Variants in SLC35A3 observed in about 807,000 individuals in gnomAD.
The protein encoded by SLC35A3 is solute carrier family 35 member A3.
A neutral mutation model predicts 39.0 loss-of-function variants in SLC35A3; 26 were observed. That is an observed-to-expected ratio of 0.67 (90% confidence interval 0.49 to 0.92). The LOEUF is 0.92. Among genes scored for constraint, SLC35A3 ranks in the 40% least tolerant of loss-of-function variants. The probability of loss-of-function intolerance (pLI) is 0.00; values close to 1 mark genes in which losing one functional copy is unlikely to be tolerated. For synonymous variants in SLC35A3, 135 were observed against 133.1 expected, an observed-to-expected ratio of 1.01 and a Z score of -0.10; for missense variants, 299 against 371.6, an observed-to-expected ratio of 0.80 and a Z score of 1.61.
Position 100,007,311 on chromosome 1 carries a change from A to G in SLC35A3, c.465+155A>G, listed in dbSNP as rs531826604. On this transcript the variant is annotated intron_variant, in intron 4 of 7. Coordinates refer to ENST00000533028, the MANE Select transcript of SLC35A3 (RefSeq NM_012243.3). ...GTTTTGAGGGCATCCTTTATGTGAC[A>G]TACTACATTGGGAGTGTAAGTAATA... 4 of 617,256 alleles carry G rather than the reference A, an allele frequency of 6.5e-6. No homozygotes were observed. In the East Asian group the frequency reaches 1.2e-4, roughly 18 times the overall value. 38.2% of individuals were successfully genotyped at this position (617,256 alleles called of 1,614,324 possible).
intron 2 of SLC35A3, among the ~76,000 whole-genome samples, chr1:99,997,969 C>T (rs1658520953): frequency 6.6e-6 from 1 of 152,064 alleles, no homozygotes; most frequent in African/African-American, 2.4e-5. Context: ...CTCCAGCTTT[C>T]TCTTTTTTTC....
rs1438890372 is a variant in SLC35A3 at position 100,035,033 on chromosome 1, A to T, written c.*12557A>T. 1 of 152,172 alleles carries T rather than the reference A, an allele frequency of 6.6e-6. No homozygotes were observed. Among genetic ancestry groups the T allele is most frequent in the East Asian group, 1.9e-4 (1 of 5,198 alleles). 9.4% of individuals were successfully genotyped at this position (152,172 alleles called of 1,614,324 possible). ...ACCAAAAAACCCTAACTGAGATATC[A>T]GTCTCTTAGCGCAAAGTTTGTGAAT... On this transcript the variant is annotated 3_prime_UTR_variant, in exon 8 of 8. Coordinates refer to ENST00000533028, the MANE Select transcript of SLC35A3 (RefSeq NM_012243.3).
chr1:100,013,936 A>T (rs965540587), intron 5 of SLC35A3, among the ~76,000 whole-genome samples: 1 of 152,208 alleles, frequency 6.6e-6, no homozygotes, highest in African/African-American at 2.4e-5. Flanking sequence ...TTAACTGCAC[A>T]TATTTCAAAG....
In SLC35A3 at chr1:100,026,026, T is replaced by G. The variant is rs1196747357; in HGVS notation, c.*3550T>G. On this transcript the variant is annotated 3_prime_UTR_variant, in exon 8 of 8. Coordinates refer to ENST00000533028, the MANE Select transcript of SLC35A3 (RefSeq NM_012243.3). The stretch of plus-strand genomic sequence containing the variant: ...ATAGTATAGAGATGCAAAACTTAAA[T>G]GTTTACATCAATTTATATTGAATGT... 6.6e-6 allele frequency: 1 copy of G among 152,156 alleles called. No individual in the cohort carries two copies. Among genetic ancestry groups the G allele is most frequent in the Non-Finnish European group, 1.5e-5 (1 of 67,976 alleles). The allele number at this position is 152,156 out of a possible 1,614,324, so 9.4% of individuals were successfully genotyped here.
At position 100,033,262 on chromosome 1, in the gene SLC35A3, C is replaced by T. The variant is rs1212465358; in HGVS notation, c.*10786C>T. The T allele has an allele frequency of 6.7e-6, 1 of 148,922 alleles. No homozygotes were observed. Among genetic ancestry groups the T allele is most frequent in the Non-Finnish European group, 1.5e-5 (1 of 67,550 alleles). 9.2% of individuals were successfully genotyped at this position (148,922 alleles called of 1,614,324 possible). A position where few individuals can be genotyped will look rare whatever the true frequency, so the allele number is the denominator to read the frequency against. On this transcript the variant is annotated 3_prime_UTR_variant, in exon 8 of 8. Coordinates refer to ENST00000533028, the MANE Select transcript of SLC35A3 (RefSeq NM_012243.3). ...TTAAGGCCAGGGGTTCAAGACCAGC[C>T]TGGGCAACAGAGTGAGATCCTGTCT...
At chr1:100,012,384 T>C (rs1659727895) in intron 5 of SLC35A3, among the ~76,000 whole-genome samples, 1 of 152,170 alleles carries the variant, frequency 6.6e-6, no homozygotes, top group South Asian at 2.1e-4. Flanking sequence ...AAATCAGAAT[T>C]CATGATTCTA....
intron 1 of SLC35A3, chr1:99,970,544 C>T (rs542293727): frequency 4.4e-5 from 68 of 1,535,642 alleles, no homozygotes; most frequent in Middle Eastern, 3.3e-4. Context: ...CCCATGAGCT[C>T]TCGCTCGGTG....
rs1275992042 is a variant in SLC35A3 at position 100,026,305 on chromosome 1, A to C, written c.*3829A>C. The stretch of plus-strand genomic sequence containing the variant: ...ATCATGGGTGTATGCTTTACATAAA[A>C]AAGGTTTATAAAAGTTATTTATGCT... On this transcript the variant is annotated 3_prime_UTR_variant, in exon 8 of 8. Coordinates refer to ENST00000533028, the MANE Select transcript of SLC35A3 (RefSeq NM_012243.3). The C allele has an allele frequency of 6.6e-6, 1 of 152,198 alleles. No individual in the cohort carries two copies. The highest frequency in any genetic ancestry group is 1.9e-4 in the East Asian group (1 of 5,202). 9.4% of individuals were successfully genotyped at this position (152,198 alleles called of 1,614,324 possible). A position where few individuals can be genotyped will look rare whatever the true frequency, so the allele number is the denominator to read the frequency against.
chr1:99,980,503 T>G (rs945607995), intron 1 of SLC35A3, among the ~76,000 whole-genome samples: 2 of 152,184 alleles, frequency 1.3e-5, no homozygotes, highest in African/African-American at 2.4e-5. Context: ...AGAATGCAAA[T>G]AGGTTTTATA....
At chr1:100,011,663 CTT>C (rs1270883624) in intron 5 of SLC35A3, 130 bp downstream of exon 5, 1 of 291,534 alleles carries the variant, frequency 3.4e-6, no homozygotes, top group Non-Finnish European at 6.4e-6. Context: ...TGGCAATGCT[CTT>C]GTCTTTTAAA....
intron 1 of SLC35A3, chr1:99,970,476 C>T: frequency 8.5e-7 from 1 of 1,174,432 alleles, no homozygotes; most frequent in Non-Finnish European, 1.2e-6. Flanking sequence ...GCGCCTGGTG[C>T]GTGCGGAGCT....
At chr1:99,985,393 T>C (rs1233547511) in intron 1 of SLC35A3, among the ~76,000 whole-genome samples, 1 of 152,244 alleles carries the variant, frequency 6.6e-6, no homozygotes, top group Non-Finnish European at 1.5e-5. Flanking sequence ...TGGCTTTATT[T>C]CTGGGTTCTC....
At chr1:99,996,446 T>C (rs567090704) in intron 2 of SLC35A3, among the ~76,000 whole-genome samples, 5 of 152,148 alleles carry the variant, frequency 3.3e-5, no homozygotes, top group Admixed American at 6.5e-5. Flanking sequence ...GATAAATACA[T>C]AAAAAGATGC....
Position 100,032,265 on chromosome 1 carries a change from A to G in SLC35A3, c.*9789A>G, listed in dbSNP as rs1354134630. ...CTGTTTCCCAATGCCTTTAGCATCA[A>G]TTGATGATTCTTGACTGAATCATTT... On this transcript the variant is annotated 3_prime_UTR_variant, in exon 8 of 8. Transcript: ENST00000533028. 1 of 152,168 alleles carries G rather than the reference A, an allele frequency of 6.6e-6. No individual in the cohort carries two copies. Among genetic ancestry groups the G allele is most frequent in the South Asian group, 2.1e-4 (1 of 4,836 alleles). 9.4% of individuals were successfully genotyped at this position (152,168 alleles called of 1,614,324 possible).
chr1:100,015,768 C>A, intron 6 of SLC35A3: 1 of 232,320 alleles, frequency 4.3e-6, no homozygotes, highest in Non-Finnish European at 8.2e-6. Context: ...GGAAGCAGAT[C>A]TAGATATTTA....
chr1:99,970,298 A>T (rs1656723772), intron 1 of SLC35A3, 136 bp downstream of exon 1: 1 of 458,690 alleles, frequency 2.2e-6, no homozygotes, highest in South Asian at 3.1e-5. Flanking sequence ...GGTGAAGGGG[A>T]CGGTATCGAA....
intron 1 of SLC35A3, among the ~76,000 whole-genome samples, chr1:99,972,206 T>G (rs1570555366): frequency 6.6e-6 from 1 of 152,220 alleles, no homozygotes; most frequent in South Asian, 2.1e-4. Flanking sequence ...CAGCCCATTT[T>G]TTTTTCTTCA....
chr1:100,020,539 G>T (rs776150799), intron 7 of SLC35A3, among the ~76,000 whole-genome samples: 8 of 152,172 alleles, frequency 5.3e-5, no homozygotes, highest in Non-Finnish European at 1.2e-4. Flanking sequence ...ATGTATAACT[G>T]CATTCGAGTC....
chr1:99,982,757 A>T (rs913299059), intron 1 of SLC35A3, among the ~76,000 whole-genome samples: 12 of 152,218 alleles, frequency 7.9e-5, no homozygotes, highest in Non-Finnish European at 1.8e-4. Flanking sequence ...TTAAATCCAA[A>T]TGAATGGAGT....
Sources: allele counts gnomAD v4.1 joint callset (sites outside exome capture counted in the v4.1 genomes callset), GRCh38; gene constraint gnomAD v4.1.1; transcripts MANE v1.5; gene names NCBI Gene and HGNC (gene_info 2026-07-23, HGNC 2026-07-21).